Variants in NEBL observed in about 807,000 individuals in gnomAD.
NEBL encodes the protein LIM and SH3 protein 2.
In NEBL, 122 loss-of-function variants were observed where a neutral mutation model predicts 140.2. The observed-to-expected ratio is 0.87, with a 90% CI of 0.75 to 1.01. The LOEUF (loss-of-function observed/expected upper bound fraction) is 1.01. Ranked by LOEUF, NEBL falls within the 50% of genes least tolerant of loss-of-function variation. The pLI, the probability that NEBL is intolerant of heterozygous loss-of-function variation, is 0.00. For synonymous variants in NEBL, 436 were observed against 398.9 expected (o/e 1.09, Z -1.11); for missense variants, 1,365 against 1,231.3 (o/e 1.11, Z -1.62).
chr10:20,863,726 G>A (rs1253799141), intron 7 of NEBL, among the ~76,000 whole-genome samples: 1 of 152,152 alleles, frequency 6.6e-6, no homozygotes, highest in African/African-American at 2.4e-5. Context: ...AGGCATATGA[G>A]CCCTGTCTCC....
intron 4 of NEBL, among the ~76,000 whole-genome samples, chr10:20,909,890 A>G (rs1473280952): frequency 6.6e-6 from 1 of 152,198 alleles, no homozygotes; most frequent in Non-Finnish European, 1.5e-5. Context: ...ATATATCTGC[A>G]GGAAAAAAAA....
At chr10:20,870,270 G>A (rs973919177) in intron 5 of NEBL, among the ~76,000 whole-genome samples, 45 of 143,078 alleles carry the variant, frequency 3.1e-4, no homozygotes, top group African/African-American at 1.1e-3. Flanking sequence ...AGGTTGCAGT[G>A]CACCAAGATA....
intron 1 of NEBL, among the ~76,000 whole-genome samples, chr10:21,257,729 C>A (rs1842677714): frequency 6.6e-6 from 1 of 151,958 alleles, no homozygotes; most frequent in African/African-American, 2.4e-5. Flanking sequence ...ACTAAAAATA[C>A]AAAAAACTAG....
intron 7 of NEBL, among the ~76,000 whole-genome samples, chr10:20,863,905 T>C (rs1273081972): frequency 6.6e-6 from 1 of 152,190 alleles, no homozygotes; most frequent in Non-Finnish European, 1.5e-5. Context: ...TTTGAGCTGA[T>C]ACTTGGGTGT....
chr10:20,907,317 A>T (rs1253732630), intron 4 of NEBL, among the ~76,000 whole-genome samples: 6 of 152,116 alleles, frequency 3.9e-5, no homozygotes, highest in Admixed American at 3.9e-4. Flanking sequence ...ATTAATTTTT[A>T]AAATTATGTT....
At chr10:20,955,812 T>C (rs1012511141) in intron 4 of NEBL, among the ~76,000 whole-genome samples, 2 of 151,492 alleles carry the variant, frequency 1.3e-5, no homozygotes, top group African/African-American at 2.4e-5. Context: ...GATAATGGCC[T>C]GAACACAGTG....
chr10:20,895,592 T>TGTC (rs1177006347), intron 2 of NEBL, among the ~76,000 whole-genome samples: 3 of 152,236 alleles, frequency 2.0e-5, no homozygotes, highest in Admixed American at 6.5e-5. Flanking sequence ...TTGTTGTTGT[T>TGTC]GTCATTGTCA....
chr10:20,948,927 T>C (rs981280986), intron 4 of NEBL, among the ~76,000 whole-genome samples: 3 of 152,234 alleles, frequency 2.0e-5, no homozygotes, highest in African/African-American at 7.2e-5. Flanking sequence ...AATGTTTCTC[T>C]TTTCCTTTCA....
intron 26 of NEBL, among the ~76,000 whole-genome samples, chr10:20,798,305 TAA>T (rs1236292285): frequency 6.6e-6 from 1 of 152,064 alleles, no homozygotes; most frequent in African/African-American, 2.4e-5. Flanking sequence ...GTGGAAATAT[TAA>T]AGAGTTCCTC....
intron 3 of NEBL, among the ~76,000 whole-genome samples, chr10:21,194,832 C>CA (rs1841624863): frequency 6.6e-6 from 1 of 151,222 alleles, no homozygotes; most frequent in Non-Finnish European, 1.5e-5. Context: ...CCCCCTGCCG[C>CA]AAAAAAATAC....
chr10:20,799,265 C>T (rs1009643909), intron 26 of NEBL, among the ~76,000 whole-genome samples: 3 of 152,174 alleles, frequency 2.0e-5, no homozygotes, highest in African/African-American at 7.2e-5. Context: ...AAGTGATTCT[C>T]CTGCCTCAGC....
rs1418259440 is a variant in NEBL, at chr10:20,826,496, T to TC, written c.1819dup (p.Asp607GlyfsTer2). On this transcript the variant is annotated frameshift_variant, in exon 18 of 28. Transcript: ENST00000377122. LOFTEE classifies it high-confidence loss of function. Reference sequence around the variant, plus strand: ...CTTCACTCGTTCGATCTCTGGGCTATCTTTCACTGCAGTGCCAGCTCCCAC... The same window carrying TC: ...CTTCACTCGTTCGATCTCTGGGCTATCCTTTCACTGCAGTGCCAGCTCCCAC... The TC allele has an allele frequency of 1.2e-6, 2 of 1,613,076 alleles. No individual in the cohort carries two copies. Among genetic ancestry groups the TC allele is most frequent in the Admixed American group, 3.3e-5 (2 of 60,002 alleles).
chr10:20,952,472 G>A (rs1416469773), intron 4 of NEBL, among the ~76,000 whole-genome samples: 4 of 150,170 alleles, frequency 2.7e-5, no homozygotes, highest in African/African-American at 4.9e-5. Context: ...ACTGGAAATA[G>A]GATATAGGAG....
intron 2 of NEBL, among the ~76,000 whole-genome samples, chr10:21,083,643 G>A (rs1836488431): frequency 6.6e-6 from 1 of 152,078 alleles, no homozygotes; most frequent in African/African-American, 2.4e-5. Context: ...TCAGGAGTTC[G>A]AGAACAGCCT....
chr10:21,192,261 G>C (rs958103649), intron 3 of NEBL, among the ~76,000 whole-genome samples: 1 of 150,488 alleles, frequency 6.6e-6, no homozygotes, highest in African/African-American at 2.4e-5. Context: ...GCACGATCTC[G>C]GCTTACTGCA....
At chr10:21,292,377 T>C (rs2132308139) in intron 1 of NEBL, among the ~76,000 whole-genome samples, 1 of 152,332 alleles carries the variant, frequency 6.6e-6, no homozygotes, top group South Asian at 2.1e-4. Context: ...AGAATATCAC[T>C]GGAATTGCAC....
chr10:20,983,450 C>T (rs1193304765), intron 3 of NEBL, among the ~76,000 whole-genome samples: 5 of 152,160 alleles, frequency 3.3e-5, no homozygotes, highest in Non-Finnish European at 7.4e-5. Context: ...AGGGAGTTTT[C>T]TGATTAATCT....
chr10:21,222,189 T>C (rs1022103646), intron 3 of NEBL, among the ~76,000 whole-genome samples: 7 of 151,870 alleles, frequency 4.6e-5, no homozygotes, highest in Non-Finnish European at 7.4e-5. Context: ...CTCACACCTG[T>C]AATCCCACCA....
At chr10:21,229,711 G>A (rs936872531) in intron 3 of NEBL, among the ~76,000 whole-genome samples, 1 of 152,170 alleles carries the variant, frequency 6.6e-6, no homozygotes, top group African/African-American at 2.4e-5. Context: ...GAATAAAGAT[G>A]TCGACAGGAG....
Sources: allele counts gnomAD v4.1 joint callset (sites outside exome capture counted in the v4.1 genomes callset), GRCh38; gene constraint gnomAD v4.1.1; transcripts MANE v1.5; gene names NCBI Gene and HGNC (gene_info 2026-07-23, HGNC 2026-07-21).